Variants in TNKS observed in about 807,000 individuals in gnomAD.
TNKS encodes the protein poly [ADP-ribose] polymerase tankyrase-1.
In TNKS, 72 loss-of-function variants were observed where a neutral mutation model predicts 135.8. The observed-to-expected ratio is 0.53, with a 90% CI of 0.44 to 0.64. TNKS has a LOEUF of 0.64. Ranked by LOEUF, TNKS falls within the 30% of genes least tolerant of loss-of-function variation. TNKS has a pLI of 0.00. For missense variants in TNKS, 1,769 were observed against 1,674.0 expected (o/e 1.06, Z -0.99); for synonymous variants, 849 against 649.3 (o/e 1.31, Z -4.68).
intron 14 of TNKS, 85 bp downstream of exon 14, chr8:9,731,120 T>C: frequency 2.2e-6 from 3 of 1,371,540 alleles, no homozygotes; most frequent in Non-Finnish European, 2.9e-6. Context: ...AGATTTTTTC[T>C]GTATTAAAAA....
intron 1 of TNKS, among the ~76,000 whole-genome samples, chr8:9,564,349 G>A (rs899005909): frequency 6.6e-6 from 1 of 151,972 alleles, no homozygotes; most frequent in Non-Finnish European, 1.5e-5. Flanking sequence ...TATCATCAAA[G>A]GTCGAGTTGT....
At chr8:9,725,086 A>G (rs1805095138) in intron 12 of TNKS, among the ~76,000 whole-genome samples, 1 of 152,230 alleles carries the variant, frequency 6.6e-6, no homozygotes, top group South Asian at 2.1e-4. Flanking sequence ...TAGAGACATA[A>G]TATACACACA....
intron 5 of TNKS, among the ~76,000 whole-genome samples, chr8:9,682,447 A>C (rs1802822064): frequency 6.6e-6 from 1 of 152,118 alleles, no homozygotes; most frequent in Non-Finnish European, 1.5e-5. Context: ...TCTCCTACAC[A>C]AATGTATAGA....
At chr8:9,648,369 G>A (rs1157729901) in intron 3 of TNKS, among the ~76,000 whole-genome samples, 1 of 151,748 alleles carries the variant, frequency 6.6e-6, no homozygotes, top group Non-Finnish European at 1.5e-5. Context: ...CTTTACATAT[G>A]CTTATTCTAT....
chr8:9,700,404 T>G (rs572505937), intron 5 of TNKS, among the ~76,000 whole-genome samples: 1 of 152,346 alleles, frequency 6.6e-6, no homozygotes, highest in Admixed American at 6.5e-5. Context: ...TGGTGTCAGA[T>G]ACGTGGTAGA....
chr8:9,689,358 T>A (rs1337754151), intron 5 of TNKS, among the ~76,000 whole-genome samples: 1 of 152,164 alleles, frequency 6.6e-6, no homozygotes, highest in Non-Finnish European at 1.5e-5. Flanking sequence ...CTACTAAGAA[T>A]GCCATCAAGA....
intron 1 of TNKS, chr8:9,575,207 C>G (rs1390314800): frequency 3.6e-6 from 2 of 548,878 alleles, no homozygotes; most frequent in South Asian, 8.0e-5. Flanking sequence ...CTGCCTCAGC[C>G]TCCGGAGTAG....
intron 17 of TNKS, among the ~76,000 whole-genome samples, chr8:9,744,492 T>G (rs1806135199): frequency 6.6e-6 from 1 of 152,206 alleles, no homozygotes; most frequent in Admixed American, 6.5e-5. Context: ...CTTCCCACCT[T>G]TTTAAAATTA....
intron 3 of TNKS, among the ~76,000 whole-genome samples, chr8:9,656,229 T>G (rs935110723): frequency 6.6e-6 from 1 of 152,138 alleles, no homozygotes; most frequent in Non-Finnish European, 1.5e-5. Context: ...CCAAGAAATA[T>G]GGAACTATGT....
intron 3 of TNKS, among the ~76,000 whole-genome samples, chr8:9,649,180 A>G (rs181872258): frequency 8.0e-4 from 122 of 152,338 alleles, no homozygotes; most frequent in African/African-American, 2.8e-3. Flanking sequence ...CTTATCCCTG[A>G]AAGCAAGGCA....
intron 3 of TNKS, among the ~76,000 whole-genome samples, chr8:9,625,635 T>C (rs573236960): frequency 6.6e-6 from 1 of 152,312 alleles, no homozygotes; most frequent in East Asian, 1.9e-4. Flanking sequence ...TCTTGAGATT[T>C]CGTCTTTAAC....
chr8:9,585,601 C>T (rs1036480514), intron 2 of TNKS, among the ~76,000 whole-genome samples: 30 of 152,192 alleles, frequency 2.0e-4, no homozygotes, highest in African/African-American at 6.5e-4. Context: ...GAATAACCTT[C>T]TAAAGCCTGC....
chr8:9,758,915 C>A (rs10100914), intron 20 of TNKS, among the ~76,000 whole-genome samples: 27,157 of 152,190 alleles, frequency 0.18, 2,674 homozygotes, highest in Non-Finnish European at 0.19. Context: ...GAGCATTAGC[C>A]AGGGTCAGTA....
chr8:9,634,003 T>G (rs188046654), intron 3 of TNKS, among the ~76,000 whole-genome samples: 30 of 151,912 alleles, frequency 2.0e-4, no homozygotes, highest in Non-Finnish European at 1.5e-5. Context: ...AAGTTGTCAT[T>G]TCCAGATGTA....
At chr8:9,729,162 T>C (rs912134264) in intron 13 of TNKS, among the ~76,000 whole-genome samples, 6 of 152,120 alleles carry the variant, frequency 3.9e-5, no homozygotes, top group Admixed American at 3.9e-4. Context: ...CCAAATGCTG[T>C]GTGAAGCCTC....
intron 15 of TNKS, among the ~76,000 whole-genome samples, chr8:9,734,397 C>T (rs549267435): frequency 6.6e-6 from 1 of 152,106 alleles, no homozygotes; most frequent in African/African-American, 2.4e-5. Context: ...GGATAAAAAT[C>T]TTAAAAATAT....
At chr8:9,589,581 A>T (rs1235770190) in intron 2 of TNKS, among the ~76,000 whole-genome samples, 1 of 152,180 alleles carries the variant, frequency 6.6e-6, no homozygotes, top group Non-Finnish European at 1.5e-5. Flanking sequence ...CTGATGCCCC[A>T]CTTTGAGTTA....
chr8:9,748,489 T>A (rs530506886), intron 18 of TNKS, among the ~76,000 whole-genome samples: 1 of 152,324 alleles, frequency 6.6e-6, no homozygotes, highest in South Asian at 2.1e-4. Context: ...CTCAAAGAAT[T>A]ATATTTAGTA....
intron 5 of TNKS, among the ~76,000 whole-genome samples, chr8:9,700,486 A>T (rs985326917): frequency 9.2e-5 from 14 of 152,178 alleles, no homozygotes. Context: ...TCTGAATTCT[A>T]GTGCCATACG....
Sources: allele counts gnomAD v4.1 joint callset (sites outside exome capture counted in the v4.1 genomes callset), GRCh38; gene constraint gnomAD v4.1.1; transcripts MANE v1.5; gene names NCBI Gene and HGNC (gene_info 2026-07-23, HGNC 2026-07-21).